The following CNTLN variants were observed in gnomAD, a reference collection of about 807,000 sequenced individuals.
CNTLN encodes centlein.
Under a neutral mutation model 180.0 loss-of-function variants are expected in CNTLN, and 212 were observed. The observed-to-expected ratio is 1.18, with a 90% CI of 1.05 to 1.32. The LOEUF is 1.32. Among genes scored for constraint, CNTLN ranks in the 40% most tolerant of loss-of-function variants. The probability of loss-of-function intolerance (pLI) is 0.00; values close to 1 mark genes in which losing one functional copy is unlikely to be tolerated. For missense variants in CNTLN, 2,095 were observed against 1,610.9 expected (o/e 1.30, Z -5.14); for synonymous variants, 722 against 563.1 (o/e 1.28, Z -3.99).
chr9:17,275,844 C>T (rs1022673508), intron 6 of CNTLN, among the ~76,000 whole-genome samples: 24 of 151,994 alleles, frequency 1.6e-4, no homozygotes, highest in African/African-American at 5.8e-4. Context: ...TTATAAGGAC[C>T]TATAGAGGCA....
intron 19 of CNTLN, among the ~76,000 whole-genome samples, chr9:17,462,357 T>G (rs916190443): frequency 1.9e-4 from 29 of 151,860 alleles, no homozygotes; most frequent in Non-Finnish European, 3.8e-4. Context: ...AAGGTGATCC[T>G]GGAGCAGCAT....
intron 2 of CNTLN, among the ~76,000 whole-genome samples, chr9:17,213,625 C>T (rs1018298994): frequency 1.3e-5 from 2 of 152,120 alleles, no homozygotes; most frequent in Non-Finnish European, 2.9e-5. Flanking sequence ...AACTTTCTGA[C>T]TCGTTGGTCT....
chr9:17,214,799 C>A (rs531552543), intron 2 of CNTLN, among the ~76,000 whole-genome samples: 8 of 152,232 alleles, frequency 5.3e-5, no homozygotes, highest in African/African-American at 1.7e-4. Context: ...TCATTTCATT[C>A]ATTTGATCTT....
At chr9:17,275,550 C>T (rs1193603908) in intron 6 of CNTLN, among the ~76,000 whole-genome samples, 1 of 152,062 alleles carries the variant, frequency 6.6e-6, no homozygotes, top group Non-Finnish European at 1.5e-5. Context: ...TCTGGAACTG[C>T]ATAAAATATT....
At chr9:17,227,999 A>T (rs1005612541) in intron 3 of CNTLN, among the ~76,000 whole-genome samples, 3 of 152,026 alleles carry the variant, frequency 2.0e-5, no homozygotes, top group African/African-American at 7.2e-5. Flanking sequence ...CATCATTTGT[A>T]TTTACATTTT....
intron 2 of CNTLN, among the ~76,000 whole-genome samples, chr9:17,147,042 A>G (rs1356917713): frequency 2.6e-5 from 4 of 152,060 alleles, no homozygotes; most frequent in African/African-American, 7.2e-5. Flanking sequence ...CTTGCTTTAT[A>G]TAGGTATGTT....
intron 5 of CNTLN, among the ~76,000 whole-genome samples, chr9:17,241,312 A>G (rs938542060): frequency 6.6e-6 from 1 of 152,154 alleles, no homozygotes; most frequent in Non-Finnish European, 1.5e-5. Context: ...AACTGAAGAC[A>G]CTGTCTTCCC....
chr9:17,281,470 C>A (rs1828658649), intron 6 of CNTLN, among the ~76,000 whole-genome samples: 1 of 152,020 alleles, frequency 6.6e-6, no homozygotes, highest in Non-Finnish European at 1.5e-5. Flanking sequence ...CTGACAGGCC[C>A]CAGTGTGTAT....
chr9:17,327,298 G>A (rs985818366), intron 8 of CNTLN, among the ~76,000 whole-genome samples: 1 of 34,196 alleles, frequency 2.9e-5, no homozygotes, highest in Admixed American at 3.6e-4. Context: ...TGCAAACTCC[G>A]CCTCCCAGGT....
Position 17,380,669 on chromosome 9 carries a change from G to A in CNTLN, c.1988-7493G>A, listed in dbSNP as rs114045465. Among the ~76,000 whole-genome samples, 1,141 of 152,286 alleles carry A rather than the reference G, an allele frequency of 7.5e-3. 16 individuals carry two copies. The highest frequency in any genetic ancestry group is 0.025 in the African/African-American group (1,041 of 41,558). On this transcript the variant is annotated intron_variant, in intron 13 of 25. Transcript: ENST00000380647. The stretch of plus-strand genomic sequence containing the variant: ...GGAGCTAGATTCCTCAGTCTTTACT[G>A]AGTCACAAGTGCATGAATATGTTCA...
intron 12 of CNTLN, among the ~76,000 whole-genome samples, chr9:17,354,517 T>G (rs1822657559): frequency 6.6e-6 from 1 of 152,106 alleles, no homozygotes; most frequent in Admixed American, 6.5e-5. Flanking sequence ...CACCCTGTGT[T>G]TAGCTCAAGG....
At position 17,288,975 on chromosome 9, in the gene CNTLN, G is replaced by A. The variant is rs1184748874; in HGVS notation, c.984-9215G>A. Among the ~76,000 whole-genome samples, 3 of 119,444 alleles carry A rather than the reference G, an allele frequency of 2.5e-5. 1 individual carries two copies. Among genetic ancestry groups the A allele is most frequent in the Non-Finnish European group, 5.1e-5 (3 of 59,252 alleles). The allele number at this position is 119,444 out of a possible 152,430, so 78.4% of individuals were successfully genotyped here. On this transcript the variant is annotated intron_variant, in intron 6 of 25. Coordinates refer to ENST00000380647, the MANE Select transcript of CNTLN (RefSeq NM_017738.4). ...GACTCTTTATCCAATTTGCCAGTCT[G>A]TGTCTTTTAATTGGAGAATTTAGTC...
the CNTLN span, among the ~76,000 whole-genome samples, chr9:17,525,945 AT>A: frequency 1.3e-5 from 2 of 151,718 alleles, no homozygotes; most frequent in East Asian, 1.9e-4. Flanking sequence ...TTCTATTTTT[AT>A]TTTTTTTGAG....
rs189493055 is a variant in CNTLN at position 17,351,857 on chromosome 9, A to G, written c.1886+9413A>G. On this transcript the variant is annotated intron_variant, in intron 12 of 25. Coordinates refer to ENST00000380647, the MANE Select transcript of CNTLN (RefSeq NM_017738.4). ...CTCTTTAAGCAAATCTGAGTTCATT[A>G]TATAACACACTTGAATATCAGCTCC... Among the ~76,000 whole-genome samples the G allele has an allele frequency of 5.3e-5, 8 of 152,352 alleles. No homozygotes were observed. In the East Asian group the frequency reaches 1.5e-3, roughly 29 times the overall value.
chr9:17,461,120 A>G (rs1003018233), intron 19 of CNTLN, among the ~76,000 whole-genome samples: 8 of 151,560 alleles, frequency 5.3e-5, no homozygotes, highest in Non-Finnish European at 7.4e-5. Context: ...ATATTATAGT[A>G]TAGTGATAAT....
At chr9:17,184,322 G>C (rs200918749) in intron 2 of CNTLN, among the ~76,000 whole-genome samples, 1 of 148,238 alleles carries the variant, frequency 6.7e-6, no homozygotes, top group Non-Finnish European at 1.5e-5. Context: ...TGTTATAACA[G>C]AGCACATTTT....
At chr9:17,178,876 G>A (rs904731080) in intron 2 of CNTLN, among the ~76,000 whole-genome samples, 5 of 152,170 alleles carry the variant, frequency 3.3e-5, no homozygotes, top group African/African-American at 1.2e-4. Context: ...TGGCCAGAGT[G>A]GGCGCCAAGG....
Position 17,309,074 on chromosome 9 carries a change from A to T in CNTLN, c.1163A>T (p.His388Leu). 6.3e-7 allele frequency: 1 copy of T among 1,587,470 alleles called. No homozygotes were observed. Among genetic ancestry groups the T allele is most frequent in the Non-Finnish European group, 8.5e-7 (1 of 1,171,870 alleles). The change falls in exon 8 of 26, where the codon CAT becomes CTT. Residue 388 changes from histidine (H) to leucine (L), a missense_variant. By Grantham distance (99) the His-to-Leu change is moderately conservative. Coordinates refer to ENST00000380647, the MANE Select transcript of CNTLN (RefSeq NM_017738.4). Reference sequence around the variant, plus strand: ...TTGAAACAGCTTTACAATGAGTTACATATTTGTTTTGAAACCACAAAATCA... The same window carrying T: ...TTGAAACAGCTTTACAATGAGTTACTTATTTGTTTTGAAACCACAAAATCA... The part of the protein sequence containing the change: ...ISYQKLYNEL[H>L]ICFETTKSNE...
chr9:17,371,017 G>T (rs1222177213), intron 13 of CNTLN, among the ~76,000 whole-genome samples: 3 of 151,870 alleles, frequency 2.0e-5, no homozygotes, highest in African/African-American at 7.3e-5. Flanking sequence ...AAAGGTAAGA[G>T]AAAATTACCT....
Sources: gnomAD v4.1 joint callset for allele counts (sites outside exome capture counted in the v4.1 genomes callset) on GRCh38, gnomAD v4.1.1 for gene constraint, MANE v1.5 for transcripts, NCBI Gene and HGNC (gene_info 2026-07-23, HGNC 2026-07-21) for gene names.